Variants in SLC9A3 observed in about 807,000 individuals in gnomAD.
SLC9A3 encodes the protein sodium/hydrogen exchanger 3.
SLC9A3 carries 37 observed loss-of-function variants against 86.8 expected under a neutral mutation model. That is an observed-to-expected ratio of 0.43 (90% CI 0.33 to 0.56). SLC9A3 has a LOEUF of 0.56. SLC9A3 is among the 20% of genes least tolerant of loss of function. The probability of loss-of-function intolerance (pLI) is 0.06; values close to 1 mark genes in which losing one functional copy is unlikely to be tolerated. For synonymous variants in SLC9A3, 581 were observed against 528.3 expected (o/e 1.10, Z -1.37); for missense variants, 1,011 against 1,171.9 (o/e 0.86, Z 2.00).
rs1229898242 is a variant in SLC9A3, at chr5:471,313, C to T, written c.*2066G>A. 1.2e-5 allele frequency: 2 copies of T among 173,862 alleles called. No individual in the cohort carries two copies. Among genetic ancestry groups the T allele is most frequent in the Non-Finnish European group, 2.5e-5 (2 of 79,184 alleles). The allele number at this position is 173,862 out of a possible 1,614,324, so 10.8% of individuals were successfully genotyped here. On this transcript the variant is annotated 3_prime_UTR_variant, in exon 17 of 17. Coordinates refer to ENST00000264938, the MANE Select transcript of SLC9A3 (RefSeq NM_004174.4). ...TGCCTGGACTCAGCTTCTGACTCTG[C>T]AGCTGGGAGTCAGATGCAGGCCCAA...
At position 472,261 on chromosome 5, in the gene SLC9A3, G is replaced by T; in HGVS notation, c.*1118C>A. On this transcript the variant is annotated 3_prime_UTR_variant, in exon 17 of 17. Transcript: ENST00000264938. ...CTCGCCCTGGGACGCTGGAAGGGGT[G>T]GGAAGGGTCAGGGGTCCGGGGTCTA... is the stretch of plus-strand genomic sequence containing the variant. 1 of 353,144 alleles carries T rather than the reference G, an allele frequency of 2.8e-6. No individual in the cohort carries two copies. The highest frequency in any genetic ancestry group is 5.6e-6 in the Non-Finnish European group (1 of 179,244). The allele number at this position is 353,144 out of a possible 1,614,324, so 21.9% of individuals were successfully genotyped here.
intron 16 of SLC9A3, among the ~76,000 whole-genome samples, chr5:473,681 A>T (rs74579320): frequency 6.6e-6 from 1 of 152,156 alleles, no homozygotes; most frequent in Non-Finnish European, 1.5e-5. Context: ...CGGGAGGTCA[A>T]GGTCCCCAAG....
At chr5:489,246 C>T (rs1560959236) in intron 2 of SLC9A3, among the ~76,000 whole-genome samples, 1 of 152,092 alleles carries the variant, frequency 6.6e-6, no homozygotes, top group Non-Finnish European at 1.5e-5. Context: ...ACTGGGCCTC[C>T]TTGCTGCCTT....
At chr5:480,368 G>A (rs1319475580) in intron 9 of SLC9A3, 7 of 169,130 alleles carry the variant, frequency 4.1e-5, no homozygotes, top group African/African-American at 7.2e-5. Flanking sequence ...TTAGCCTAAC[G>A]GAATTAGAGT....
chr5:498,017 C>T (rs373519543), intron 1 of SLC9A3, among the ~76,000 whole-genome samples: 5 of 152,234 alleles, frequency 3.3e-5, no homozygotes, highest in African/African-American at 4.8e-5. Flanking sequence ...CCTCCTGCCT[C>T]GGCCACCGCC....
At chr5:501,103 C>T (rs942791704) in intron 1 of SLC9A3, among the ~76,000 whole-genome samples, 9 of 152,278 alleles carry the variant, frequency 5.9e-5, no homozygotes, top group Admixed American at 6.5e-5. Flanking sequence ...AGGGGACAGA[C>T]GCTTTTAGTT....
At chr5:475,275 G>T in intron 15 of SLC9A3, 143 bp from the exon 16 acceptor site, 2 of 825,070 alleles carry the variant, frequency 2.4e-6, no homozygotes, top group African/African-American at 1.7e-5. Context: ...CAGGTTGCGG[G>T]CCCTTCCCCC....
chr5:501,391 C>G (rs557927391), intron 1 of SLC9A3, among the ~76,000 whole-genome samples: 1 of 152,222 alleles, frequency 6.6e-6, no homozygotes, highest in Non-Finnish European at 1.5e-5. Context: ...AACAGGAACA[C>G]GTCCCGGAGG....
In SLC9A3 at chr5:497,473, G is replaced by A. The variant is rs2126636214; in HGVS notation, c.212-5402C>T. On this transcript the variant is annotated intron_variant, in intron 1 of 16. Transcript: ENST00000264938. This position sits in a 1 kb window ranked among gnomAD's most constrained non-coding sequence, Gnocchi z 5.4. ...TCTGGGCACCGGGACTGCTGTGAAG[G>A]ACACAGTCAGCCGGACTTTGCTTAG... Among the ~76,000 whole-genome samples, 2 of 152,320 alleles carry A rather than the reference G, an allele frequency of 1.3e-5. No homozygotes were observed. Among genetic ancestry groups the A allele is most frequent in the African/African-American group, 4.8e-5 (2 of 41,566 alleles).
rs1738498573 is a variant in SLC9A3, at chr5:473,270, T to C, written c.*109A>G. 1.7e-6 allele frequency: 2 copies of C among 1,173,356 alleles called. No homozygotes were observed. The highest frequency in any genetic ancestry group is 3.2e-4 in the Middle Eastern group (1 of 3,142). The allele number at this position is 1,173,356 out of a possible 1,614,324, so 72.7% of individuals were successfully genotyped here. A position where few individuals can be genotyped will look rare whatever the true frequency, so the allele number is the denominator to read the frequency against. On this transcript the variant is annotated 3_prime_UTR_variant, in exon 17 of 17. Transcript: ENST00000264938. ...GCGAGGCGGGGCTCGGGGCTCGCGG[T>C]CGCTGTAGCCGCGCGGGGATCTGGG... is the stretch of plus-strand genomic sequence containing the variant.
intron 1 of SLC9A3, among the ~76,000 whole-genome samples, chr5:523,365 G>T (rs1733941654): frequency 6.6e-6 from 1 of 152,004 alleles, no homozygotes; most frequent in Admixed American, 6.5e-5. Context: ...CTGCTGCTCT[G>T]ATCTTGCTTC....
At chr5:492,738 T>G (rs558138646) in intron 1 of SLC9A3, among the ~76,000 whole-genome samples, 11 of 152,254 alleles carry the variant, frequency 7.2e-5, no homozygotes, top group Non-Finnish European at 1.3e-4. Context: ...CTGTGCCTTT[T>G]GCCTTGGTGA....
chr5:516,640 A>G (rs1733739201), intron 1 of SLC9A3, among the ~76,000 whole-genome samples: 1 of 152,196 alleles, frequency 6.6e-6, no homozygotes, highest in African/African-American at 2.4e-5. Flanking sequence ...ACAGTGGAGC[A>G]TGTTTTAGGC....
chr5:481,361 G>A (rs1297551486), intron 9 of SLC9A3, among the ~76,000 whole-genome samples: 1 of 152,166 alleles, frequency 6.6e-6, no homozygotes, highest in Non-Finnish European at 1.5e-5. Context: ...CTCACTCGGT[G>A]GCCCCAACTG....
chr5:480,071 C>T (rs1739064304), intron 9 of SLC9A3, 106 bp from the exon 10 acceptor site: 1 of 1,311,720 alleles, frequency 7.6e-7, no homozygotes, highest in Non-Finnish European at 1.1e-6. Context: ...GCTATAGTGA[C>T]CCTGTAGGCG....
rs1025758820 is a variant in SLC9A3, at chr5:488,169, A to G, written c.675+147T>C. The G allele has an allele frequency of 2.1e-5, 17 of 799,118 alleles. No homozygotes were observed. In the Middle Eastern group the frequency reaches 7.6e-4, roughly 36 times the overall value. The allele number at this position is 799,118 out of a possible 1,614,324, so 49.5% of individuals were successfully genotyped here. ...CTGCCAGTCGTTCTGAGCTGGGAGG[A>G]AGGAGGTGGAGGGACGGGACGCCCC... On this transcript the variant is annotated intron_variant, in intron 3 of 16. Transcript: ENST00000264938.
intron 1 of SLC9A3, among the ~76,000 whole-genome samples, chr5:512,795 G>A (rs890189019): frequency 1.3e-5 from 2 of 152,176 alleles, no homozygotes; most frequent in African/African-American, 2.4e-5. Context: ...GAACGTGCAC[G>A]GTGGGCAGGC....
At chr5:482,462 C>A in intron 7 of SLC9A3, 86 bp downstream of exon 7, 1 of 1,151,604 alleles carries the variant, frequency 8.7e-7, no homozygotes. Context: ...GGGTCTGGAG[C>A]CTGGAAATGC....
At chr5:494,041 G>A (rs938783704) in intron 1 of SLC9A3, among the ~76,000 whole-genome samples, 6 of 152,224 alleles carry the variant, frequency 3.9e-5, no homozygotes, top group East Asian at 1.9e-4. Flanking sequence ...TCGGGGCCCC[G>A]CTCAGAGCTG....
Sources: gnomAD v4.1 joint callset for allele counts (sites outside exome capture counted in the v4.1 genomes callset) on GRCh38, gnomAD v4.1.1 for gene constraint, Gnocchi (gnomAD v3.1) non-coding constraint, MANE v1.5 for transcripts, NCBI Gene and HGNC (gene_info 2026-07-23, HGNC 2026-07-21) for gene names.